Variants in CC2D2A observed in about 807,000 individuals in gnomAD.
CC2D2A encodes the protein coiled-coil and C2 domain containing 2A, also known as coiled-coil and C2 domain-containing protein 2A.
Under a neutral mutation model 212.9 loss-of-function variants are expected in CC2D2A, and 155 were observed. That is an observed-to-expected ratio of 0.73 (90% CI 0.64 to 0.83). The LOEUF is 0.83. Among genes scored for constraint, CC2D2A ranks in the 40% least tolerant of loss-of-function variants. The probability of loss-of-function intolerance (pLI) is 0.00; values close to 1 mark genes in which losing one functional copy is unlikely to be tolerated. For missense variants in CC2D2A, 1,856 were observed against 1,956.2 expected, an observed-to-expected ratio of 0.95 and a Z score of 0.97; for synonymous variants, 667 against 686.5, an observed-to-expected ratio of 0.97 and a Z score of 0.44.
In CC2D2A at chr4:15,475,778, G is replaced by A. The variant is rs149954847; in HGVS notation, c.-18-137G>A. 284 of 689,302 alleles carry A rather than the reference G, an allele frequency of 4.1e-4. No individual in the cohort carries two copies. In the African/African-American group the frequency reaches 4.7e-3, roughly 11 times the overall value. 42.7% of individuals were successfully genotyped at this position (689,302 alleles called of 1,614,324 possible). A position where few individuals can be genotyped will look rare whatever the true frequency, so the allele number is the denominator to read the frequency against. ...CTCCACCAATCCTGGGGTCTGCCAG[G>A]GTTCCTGGTGAGTGGAAAGTCTACC... On this transcript the variant is annotated intron_variant, in intron 1 of 36. Transcript: ENST00000424120.
At chr4:15,566,464 C>T (rs1216682656) in intron 24 of CC2D2A, among the ~76,000 whole-genome samples, 1 of 152,074 alleles carries the variant, frequency 6.6e-6, no homozygotes, top group African/African-American at 2.4e-5. Context: ...AAGGCAGGTC[C>T]CCCATTCAGG....
At chr4:15,480,893 G>A in intron 4 of CC2D2A, 66 bp downstream of exon 4, 1 of 1,537,274 alleles carries the variant, frequency 6.5e-7, no homozygotes, top group South Asian at 1.2e-5. Flanking sequence ...GCACAGAGCA[G>A]TATAGGGATT....
At chr4:15,477,476 T>A (rs1714304715) in intron 2 of CC2D2A, among the ~76,000 whole-genome samples, 1 of 152,188 alleles carries the variant, frequency 6.6e-6, no homozygotes, top group Admixed American at 6.5e-5. Flanking sequence ...TTTGAAGTCC[T>A]ACTGGATAGT....
intron 11 of CC2D2A, among the ~76,000 whole-genome samples, chr4:15,525,774 G>C (rs1717475524): frequency 1.3e-5 from 2 of 152,194 alleles, no homozygotes. Flanking sequence ...AGGAACTAGA[G>C]GTCTTTCTCT....
chr4:15,552,800 A>G (rs917449747), intron 18 of CC2D2A, among the ~76,000 whole-genome samples: 3 of 152,250 alleles, frequency 2.0e-5, no homozygotes, highest in Non-Finnish European at 4.4e-5. Context: ...GACTAAGTAA[A>G]TAAATGTCTT....
In CC2D2A at chr4:15,538,148, G is replaced by T; in HGVS notation, c.2003+11G>T. 6.5e-7 allele frequency: 1 copy of T among 1,534,738 alleles called. No homozygotes were observed. On this transcript the variant is annotated intron_variant, in intron 16 of 36. Transcript: ENST00000424120. ...TGACCAGTGCCCCAGGTGAGTGGAT[G>T]CTCCGACCGTAAATGAGGCTGACAT...
chr4:15,486,061 G>A (rs1169649424), intron 4 of CC2D2A, among the ~76,000 whole-genome samples: 2 of 152,046 alleles, frequency 1.3e-5, no homozygotes, highest in African/African-American at 4.8e-5. Context: ...AATACAGTTG[G>A]CTAGTATTTT....
At chr4:15,538,740 A>G (rs1169865168) in intron 16 of CC2D2A, among the ~76,000 whole-genome samples, 1 of 152,244 alleles carries the variant, frequency 6.6e-6, no homozygotes, top group African/African-American at 2.4e-5. Flanking sequence ...ATTTGTACAT[A>G]TAATAATTCA....
chr4:15,474,140 G>T (rs1357640456), intron 1 of CC2D2A, among the ~76,000 whole-genome samples: 1 of 152,182 alleles, frequency 6.6e-6, no homozygotes, highest in Non-Finnish European at 1.5e-5. Flanking sequence ...TCCTATCTTT[G>T]GTGGTCTGAG....
intron 14 of CC2D2A, 44 bp from the exon 15 acceptor site, chr4:15,536,876 C>T (rs1428934394): frequency 2.5e-6 from 4 of 1,583,564 alleles, no homozygotes; most frequent in Non-Finnish European, 3.4e-6. Flanking sequence ...TGCTCTCTTA[C>T]TTAATTTCCA....
rs13353624 is a variant in CC2D2A, at chr4:15,478,858, G to A, written c.123+52G>A. On this transcript the variant is annotated intron_variant, in intron 3 of 36. Coordinates refer to ENST00000424120, the MANE Select transcript of CC2D2A (RefSeq NM_001378615.1). ...GCGTATTGTCATTGATCAACAACCC[G>A]CCTGCATCCCCAGGGCCATACAGAA... 74,618 of 1,384,400 alleles carry A rather than the reference G, an allele frequency of 0.054. 3,679 individuals carry two copies. The highest frequency in any genetic ancestry group is 0.23 in the Admixed American group (11,661 of 50,544). The allele number at this position is 1,384,400 out of a possible 1,614,324, so 85.8% of individuals were successfully genotyped here.
intron 13 of CC2D2A, among the ~76,000 whole-genome samples, 172 bp from the exon 14 acceptor site, chr4:15,533,021 G>A (rs1048932725): frequency 6.6e-6 from 1 of 152,192 alleles, no homozygotes; most frequent in Non-Finnish European, 1.5e-5. Context: ...AATCTCTCAA[G>A]ACAGGTTGAC....
chr4:15,545,109 A>G (rs1718640732), intron 17 of CC2D2A, among the ~76,000 whole-genome samples: 1 of 152,174 alleles, frequency 6.6e-6, no homozygotes, highest in Admixed American at 6.5e-5. Flanking sequence ...GAGATACTGT[A>G]TTTCAAGTCT....
intron 32 of CC2D2A, among the ~76,000 whole-genome samples, chr4:15,588,478 G>A (rs1720950347): frequency 1.3e-5 from 2 of 152,124 alleles, no homozygotes; most frequent in South Asian, 4.2e-4. Flanking sequence ...TTTTTCCCTA[G>A]CCCACTACAA....
At chr4:15,537,282 T>A (rs548372139) in intron 15 of CC2D2A, among the ~76,000 whole-genome samples, 6 of 152,220 alleles carry the variant, frequency 3.9e-5, no homozygotes, top group Non-Finnish European at 7.3e-5. Context: ...CCCAGCTGAC[T>A]GATACCAGAG....
chr4:15,488,028 T>C (rs74905938), intron 4 of CC2D2A, among the ~76,000 whole-genome samples: 1,530 of 152,210 alleles, frequency 0.01, 10 homozygotes, highest in Admixed American at 0.018. Flanking sequence ...TGACAAATTG[T>C]TGTAGTTATT....
At chr4:15,481,988 A>G in intron 4 of CC2D2A, 1 of 985,462 alleles carries the variant, frequency 1.0e-6, no homozygotes, top group Non-Finnish European at 1.2e-6. Context: ...AATGAACATT[A>G]GGAATTACCT....
chr4:15,541,447 C>T (rs1037461665), intron 17 of CC2D2A, among the ~76,000 whole-genome samples: 1 of 152,066 alleles, frequency 6.6e-6, no homozygotes, highest in Non-Finnish European at 1.5e-5. Context: ...AGTCTCAAGC[C>T]TCTTCCTTGG....
At chr4:15,568,753 A>G (rs1035932607) in intron 26 of CC2D2A, among the ~76,000 whole-genome samples, 3 of 152,336 alleles carry the variant, frequency 2.0e-5, no homozygotes, top group Non-Finnish European at 4.4e-5. Context: ...CGGTTGCTCC[A>G]GGCTTAGCTA....
Sources: allele counts gnomAD v4.1 joint callset (sites outside exome capture counted in the v4.1 genomes callset), GRCh38; gene constraint gnomAD v4.1.1; transcripts MANE v1.5; gene names NCBI Gene and HGNC (gene_info 2026-07-23, HGNC 2026-07-21).